Variants in TRAF5 observed in about 807,000 individuals in gnomAD.
TRAF5 encodes TNF receptor-associated factor 5.
TRAF5 carries 48 observed loss-of-function variants against 64.5 expected under a neutral mutation model. The observed-to-expected ratio is 0.74, with a 90% CI of 0.59 to 0.95. The LOEUF is 0.95. TRAF5 is among the 40% of genes least tolerant of loss of function. The probability of loss-of-function intolerance (pLI) is 0.00; values close to 1 mark genes in which losing one functional copy is unlikely to be tolerated. For synonymous variants in TRAF5, 206 were observed against 240.5 expected, an observed-to-expected ratio of 0.86 and a Z score of 1.33; for missense variants, 545 against 662.8, an observed-to-expected ratio of 0.82 and a Z score of 1.95.
intron 7 of TRAF5, among the ~76,000 whole-genome samples, chr1:211,362,686 C>G (rs556706789): frequency 1.5e-4 from 23 of 152,056 alleles, no homozygotes; most frequent in African/African-American, 5.1e-4. Flanking sequence ...TCAAAATAAA[C>G]AAACGAAAAA....
chr1:211,346,463 C>T (rs989477532), intron 1 of TRAF5: 16 of 982,944 alleles, frequency 1.6e-5, no homozygotes, highest in Non-Finnish European at 1.7e-5. Flanking sequence ...GGTCCTGTGC[C>T]CTTTTCACTC....
At chr1:211,359,074 G>A (rs927338643) in intron 4 of TRAF5, 2 of 151,796 alleles carry the variant, frequency 1.3e-5, no homozygotes, top group African/African-American at 4.8e-5. Flanking sequence ...AGCCTCCTGT[G>A]TAGTTGGGAC....
rs1317361477 is a variant in TRAF5, at chr1:211,353,223, C to A, written c.-1-16C>A. 11 of 1,613,438 alleles carry A rather than the reference C, an allele frequency of 6.8e-6. No homozygotes were observed. Among genetic ancestry groups the A allele is most frequent in the Non-Finnish European group, 9.3e-6 (11 of 1,179,482 alleles). On this transcript the variant is annotated splice_polypyrimidine_tract_variant and intron_variant, in intron 1 of 10. Coordinates refer to ENST00000261464, the MANE Select transcript of TRAF5 (RefSeq NM_001033910.3). ...TTGCACACTTAATTTTCCCTCTCCT[C>A]CCCTGACCTCTGCAGAATGGCTTAT...
chr1:211,361,311 C>T, intron 7 of TRAF5, 149 bp downstream of exon 7: 1 of 681,016 alleles, frequency 1.5e-6, no homozygotes. Flanking sequence ...TCCAGAGAAA[C>T]AGAACCAATG....
At chr1:211,337,086 G>C (rs546470281) in intron 1 of TRAF5, among the ~76,000 whole-genome samples, 1 of 152,248 alleles carries the variant, frequency 6.6e-6, no homozygotes. Flanking sequence ...AATCCTTGCT[G>C]TGCTGGAGCT....
At chr1:211,365,531 A>G in intron 8 of TRAF5, 63 bp downstream of exon 8, 2 of 1,300,414 alleles carry the variant, frequency 1.5e-6, no homozygotes, top group Non-Finnish European at 2.2e-6. Context: ...TACCTGCTCT[A>G]TGCTGGTATT....
chr1:211,354,334 G>A lies in TRAF5; in HGVS notation c.219-76G>A, dbSNP rs1256590594. On this transcript the variant is annotated intron_variant, in intron 2 of 10. Coordinates refer to ENST00000261464, the MANE Select transcript of TRAF5 (RefSeq NM_001033910.3). ...CCTGCCCAGGGCTAGAGCATGGCTG[G>A]AGCCCTGGGGCTGGTCTTGGAAATG... The A allele has an allele frequency of 1.1e-4, 152 of 1,419,784 alleles. 3 individuals carry two copies. In the East Asian group the frequency reaches 3.5e-3, roughly 33 times the overall value. The allele number at this position is 1,419,784 out of a possible 1,614,324, so 87.9% of individuals were successfully genotyped here.
intron 1 of TRAF5, among the ~76,000 whole-genome samples, chr1:211,334,944 G>C (rs906285501): frequency 5.3e-5 from 8 of 152,168 alleles, no homozygotes; most frequent in Non-Finnish European, 1.2e-4. Flanking sequence ...AGAACCAGAA[G>C]ACCTGGGTTT....
chr1:211,371,244 T>C, intron 9 of TRAF5, 58 bp from the exon 10 acceptor site: 1 of 1,477,944 alleles, frequency 6.8e-7, no homozygotes, highest in Non-Finnish European at 9.0e-7. Flanking sequence ...TTAATCTCAA[T>C]GAATTGCTAA....
chr1:211,346,265 A>T (rs1007632365), intron 1 of TRAF5: 6 of 651,720 alleles, frequency 9.2e-6, no homozygotes, highest in Non-Finnish European at 1.1e-5. Flanking sequence ...GGGATATTGT[A>T]ATTGATCATT....
At chr1:211,370,930 C>T (rs575318599) in intron 9 of TRAF5, among the ~76,000 whole-genome samples, 34 of 152,176 alleles carry the variant, frequency 2.2e-4, no homozygotes, top group Middle Eastern at 3.4e-3. Context: ...TCTAGCAGAG[C>T]AGGAGTGAAT....
At chr1:211,369,814 C>T (rs1031064647) in intron 9 of TRAF5, among the ~76,000 whole-genome samples, 9 of 151,798 alleles carry the variant, frequency 5.9e-5, no homozygotes, top group Admixed American at 1.3e-4. Flanking sequence ...GCTCCTCCCC[C>T]GACGTGTATG....
At chr1:211,333,333 C>T (rs950859124) in intron 1 of TRAF5, among the ~76,000 whole-genome samples, 3 of 151,592 alleles carry the variant, frequency 2.0e-5, no homozygotes, top group African/African-American at 4.9e-5. Context: ...GGATTACAGG[C>T]GCCTGCCACC....
At chr1:211,353,642 A>G (rs949775846) in intron 2 of TRAF5, 185 bp downstream of exon 2, 43 of 626,380 alleles carry the variant, frequency 6.9e-5, no homozygotes, top group Non-Finnish European at 1.0e-4. Flanking sequence ...TTTGGTCACT[A>G]ATTTACAGAT....
intron 1 of TRAF5, among the ~76,000 whole-genome samples, chr1:211,336,031 A>C (rs1413691641): frequency 6.6e-6 from 1 of 151,786 alleles, no homozygotes; most frequent in African/African-American, 2.4e-5. Context: ...GACTGGAGGG[A>C]GTGGTCAAGG....
chr1:211,333,601 G>A (rs925041713), intron 1 of TRAF5, among the ~76,000 whole-genome samples: 10 of 152,108 alleles, frequency 6.6e-5, no homozygotes, highest in Non-Finnish European at 1.2e-4. Context: ...GGGTTCAAGC[G>A]AGTCTGTCAC....
rs1703618060 is a variant in TRAF5 at position 211,374,019 on chromosome 1, C to T, written c.*1317C>T. On this transcript the variant is annotated 3_prime_UTR_variant, in exon 11 of 11. Coordinates refer to ENST00000261464, the MANE Select transcript of TRAF5 (RefSeq NM_001033910.3). Reference sequence around the variant, plus strand: ...AAGTGCTGAGATTACAGGCATGACCCACCGCGTCAAGCCTCTGACAACTAT... The same window carrying T: ...AAGTGCTGAGATTACAGGCATGACCTACCGCGTCAAGCCTCTGACAACTAT... The T allele has an allele frequency of 6.6e-6, 1 of 152,208 alleles. No individual in the cohort carries two copies. Among genetic ancestry groups the T allele is most frequent in the Non-Finnish European group, 1.5e-5 (1 of 68,060 alleles). The allele number at this position is 152,208 out of a possible 1,614,324, so 9.4% of individuals were successfully genotyped here.
chr1:211,328,767 T>C (rs1171951320), intron 1 of TRAF5, among the ~76,000 whole-genome samples: 1 of 152,216 alleles, frequency 6.6e-6, no homozygotes, highest in Non-Finnish European at 1.5e-5. Context: ...TAATTATTTG[T>C]TTGTAAAGCT....
intron 1 of TRAF5, among the ~76,000 whole-genome samples, chr1:211,329,197 G>A (rs1445930176): frequency 6.6e-6 from 1 of 152,216 alleles, no homozygotes; most frequent in Non-Finnish European, 1.5e-5. Context: ...ACCCTTGTCT[G>A]TTTTCATGTG....
Sources: gnomAD v4.1 joint callset for allele counts (sites outside exome capture counted in the v4.1 genomes callset) on GRCh38, gnomAD v4.1.1 for gene constraint, MANE v1.5 for transcripts, NCBI Gene and HGNC (gene_info 2026-07-23, HGNC 2026-07-21) for gene names.